The following SCN2A variants were observed in gnomAD, a reference collection of about 807,000 sequenced individuals.
SCN2A encodes sodium channel protein type 2 subunit alpha.
A neutral mutation model predicts 188.7 loss-of-function variants in SCN2A; 20 were observed. That is an observed-to-expected ratio of 0.11 (90% CI 0.07 to 0.15). The LOEUF is 0.15. Among genes scored for constraint, SCN2A ranks in the 10% least tolerant of loss-of-function variants. SCN2A has a pLI of 1.00. For synonymous variants in SCN2A, 804 were observed against 833.1 expected (o/e 0.97, Z 0.60); for missense variants, 1,278 against 2,445.0 (o/e 0.52, Z 10.07).
intron 1 of SCN2A, chr2:165,290,812 A>G (rs890313914): frequency 1.2e-5 from 12 of 983,214 alleles, no homozygotes; most frequent in Admixed American, 6.2e-5. Context: ...GCCAGTATAC[A>G]TGGAAGTTGG....
At chr2:165,377,705 T>C in intron 23 of SCN2A, 55 bp downstream of exon 23, 1 of 1,393,248 alleles carries the variant, frequency 7.2e-7, no homozygotes, top group East Asian at 2.3e-5. Context: ...ATTTCTACAA[T>C]ATTGTAATTT....
chr2:165,291,511 C>CTTT lies in SCN2A; in HGVS notation c.-51-4260_-51-4259insTTT, dbSNP rs1559340478. Among the ~76,000 whole-genome samples the CTTT allele has an allele frequency of 3.6e-4, 29 of 80,012 alleles. 1 individual carries two copies. Among genetic ancestry groups the CTTT allele is most frequent in the East Asian group, 7.6e-4 (2 of 2,620 alleles). The allele number at this position is 80,012 out of a possible 152,430, so 52.5% of individuals were successfully genotyped here. On this transcript the variant is annotated intron_variant, in intron 1 of 26. Coordinates refer to ENST00000375437, the MANE Select transcript of SCN2A (RefSeq NM_001040142.2). ...CTTTCTTTTCTTTCTTTCTTTCTTTCTTCCTCTCCTTTCTTTCCTTCCTTC... is the reference window on the plus strand; with the variant it reads ...CTTTCTTTTCTTTCTTTCTTTCTTTCTTTTTCCTCTCCTTTCTTTCCTTCCTTC...
rs144855404 is a variant in SCN2A at position 165,304,158 on chromosome 2, C to T, written c.387-3690C>T. Among the ~76,000 whole-genome samples, 316 of 152,242 alleles carry T rather than the reference C, an allele frequency of 2.1e-3. 5 individuals carry two copies. The East Asian group carries it at 0.046, about 22-fold the overall frequency. On this transcript the variant is annotated intron_variant, in intron 3 of 26. Transcript: ENST00000375437. ...TGTCACCCAGGCTGGAGTGCAATGG[C>T]GTGATCTTGGCTCACTGCTACCTCT...
intron 13 of SCN2A, chr2:165,328,403 G>T: frequency 2.4e-6 from 2 of 832,526 alleles, no homozygotes; most frequent in South Asian, 1.1e-4. Context: ...TGTCCCTCCA[G>T]GTAAATCTTT....
At chr2:165,332,752 A>G (rs1317005495) in intron 14 of SCN2A, among the ~76,000 whole-genome samples, 4 of 152,006 alleles carry the variant, frequency 2.6e-5, no homozygotes, top group African/African-American at 9.7e-5. Flanking sequence ...TGGAGGTAAT[A>G]TATTGTGATC....
intron 1 of SCN2A, among the ~76,000 whole-genome samples, chr2:165,277,415 C>T (rs1695395576): frequency 6.6e-6 from 1 of 152,074 alleles, no homozygotes; most frequent in Non-Finnish European, 1.5e-5. Flanking sequence ...CTTGAGAGAA[C>T]TCAAAGAGAA....
intron 1 of SCN2A, among the ~76,000 whole-genome samples, chr2:165,249,199 A>G (rs1693988309): frequency 6.6e-6 from 1 of 152,120 alleles, no homozygotes; most frequent in African/African-American, 2.4e-5. Context: ...TCTGGCACAT[A>G]AGAAGTTTTA....
At chr2:165,358,338 T>C (rs1700283733) in intron 17 of SCN2A, among the ~76,000 whole-genome samples, 1 of 152,190 alleles carries the variant, frequency 6.6e-6, no homozygotes, top group Non-Finnish European at 1.5e-5. Flanking sequence ...AATCCCTTAT[T>C]CATATGCAAA....
chr2:165,377,521 T>G, intron 22 of SCN2A, 76 bp from the exon 23 acceptor site: 1 of 1,284,672 alleles, frequency 7.8e-7, no homozygotes. Flanking sequence ...TCAAATAGAA[T>G]TTTGATCAAT....
chr2:165,312,239 TG>T (rs1697474898), intron 8 of SCN2A, 151 bp downstream of exon 8: 1 of 686,760 alleles, frequency 1.5e-6, no homozygotes, highest in Admixed American at 2.1e-5. Flanking sequence ...CCAGGATAAG[TG>T]TAGATTCTCA....
intron 15 of SCN2A, among the ~76,000 whole-genome samples, chr2:165,343,477 T>G (rs1699418554): frequency 6.6e-6 from 1 of 152,340 alleles, no homozygotes; most frequent in Non-Finnish European, 1.5e-5. Context: ...GATAGTGTGA[T>G]GCAGTTAAGG....
chr2:165,381,235 A>G (rs368123506), intron 25 of SCN2A, 38 bp downstream of exon 25: 5 of 1,401,028 alleles, frequency 3.6e-6, no homozygotes, highest in African/African-American at 2.8e-5. Context: ...TTAAAACTAT[A>G]TTACCTAACC....
chr2:165,330,171 A>C (rs1238281992), intron 13 of SCN2A, among the ~76,000 whole-genome samples: 4 of 152,180 alleles, frequency 2.6e-5, no homozygotes. Context: ...AATAGTATTA[A>C]AGTGACTGAC....
At chr2:165,316,407 T>C (rs938132481) in intron 11 of SCN2A, among the ~76,000 whole-genome samples, 3 of 152,228 alleles carry the variant, frequency 2.0e-5, no homozygotes, top group African/African-American at 7.2e-5. Flanking sequence ...ATTCACTGGA[T>C]GCCTCTGCCT....
At chr2:165,332,630 G>A (rs1258349864) in intron 14 of SCN2A, among the ~76,000 whole-genome samples, 1 of 151,944 alleles carries the variant, frequency 6.6e-6, no homozygotes, top group African/African-American at 2.4e-5. Context: ...CTTAGAGTAG[G>A]AAAGGATAAT....
At chr2:165,341,389 G>A (rs1232327783) in intron 14 of SCN2A, among the ~76,000 whole-genome samples, 3 of 152,258 alleles carry the variant, frequency 2.0e-5, no homozygotes, top group East Asian at 1.9e-4. Flanking sequence ...CACCGCGCCC[G>A]GCCCACAGTG....
chr2:165,318,332 C>T (rs937222764), intron 11 of SCN2A, among the ~76,000 whole-genome samples: 3 of 152,088 alleles, frequency 2.0e-5, no homozygotes, highest in Non-Finnish European at 4.4e-5. Flanking sequence ...AAACAAGTTT[C>T]AAGATAATCT....
Position 165,380,360 on chromosome 2 carries a change from TG to T in SCN2A, c.4309-231del, listed in dbSNP as rs67443324. On this transcript the variant is annotated intron_variant, in intron 23 of 26. Transcript: ENST00000375437. ...AATCTGGGCATTTGTTGGGTGAAATTGTCTATAATCATTCAGACTTCTATAT... is the reference window on the plus strand; with the variant it reads ...AATCTGGGCATTTGTTGGGTGAAATTTCTATAATCATTCAGACTTCTATAT... Among the ~76,000 whole-genome samples, 57,171 of 151,534 alleles carry T rather than the reference TG, an allele frequency of 0.38. 11,144 individuals are homozygous for T. Among genetic ancestry groups the T allele is most frequent in the East Asian group, 0.53 (2,741 of 5,134 alleles).
intron 3 of SCN2A, among the ~76,000 whole-genome samples, chr2:165,305,827 A>G (rs945088945): frequency 6.6e-6 from 1 of 152,222 alleles, no homozygotes; most frequent in African/African-American, 2.4e-5. Context: ...ATGATATGGA[A>G]AAGGGAGATA....
Sources: allele counts gnomAD v4.1 joint callset (sites outside exome capture counted in the v4.1 genomes callset), GRCh38; gene constraint gnomAD v4.1.1; transcripts MANE v1.5; gene names NCBI Gene and HGNC (gene_info 2026-07-23, HGNC 2026-07-21).